The following ANO2 variants were observed in gnomAD, a reference collection of about 807,000 sequenced individuals.
ANO2 encodes the protein anoctamin-2.
ANO2 carries 101 observed loss-of-function variants against 124.2 expected under a neutral mutation model. That is an observed-to-expected ratio of 0.81 (90% CI 0.69 to 0.96). The LOEUF (loss-of-function observed/expected upper bound fraction) is 0.96, where lower values mean the gene tolerates loss of function less well. ANO2 is among the 40% of genes least tolerant of loss of function. The pLI is 0.00. For synonymous variants in ANO2, 486 were observed against 482.5 expected (o/e 1.01, Z -0.09); for missense variants, 1,293 against 1,274.5 (o/e 1.01, Z -0.22).
At chr12:5,705,989 C>G (rs748503602) in intron 14 of ANO2, among the ~76,000 whole-genome samples, 35 of 152,150 alleles carry the variant, frequency 2.3e-4, no homozygotes, top group Admixed American at 3.9e-4. Flanking sequence ...AGGGTTCAAG[C>G]TCTTTCTAGG....
intron 14 of ANO2, among the ~76,000 whole-genome samples, chr12:5,665,727 C>T (rs1403998594): frequency 1.3e-5 from 2 of 149,630 alleles, no homozygotes; most frequent in African/African-American, 2.5e-5. Context: ...CCCCCACCCC[C>T]ACCCAGGGAG....
intron 3 of ANO2, among the ~76,000 whole-genome samples, chr12:5,866,192 A>C (rs1285423389): frequency 6.6e-6 from 1 of 152,222 alleles, no homozygotes; most frequent in African/African-American, 2.4e-5. Flanking sequence ...TTTCTAGGGA[A>C]AGCAGCTTTC....
Position 5,756,186 on chromosome 12 carries a change from GT to G in ANO2, c.1056-5217del, listed in dbSNP as rs1951575348. Among the ~76,000 whole-genome samples the G allele has an allele frequency of 6.6e-5, 10 of 152,032 alleles. No individual in the cohort carries two copies. The South Asian group carries it at 2.1e-3, about 32-fold the overall frequency. On this transcript the variant is annotated intron_variant, in intron 10 of 24. Transcript: ENST00000682330. ...TTTAGTTCAGTCATTGTATTCTTCA[GT>G]TCTAGGATTTCACTTTGGCTCTTTT...
intron 4 of ANO2, among the ~76,000 whole-genome samples, chr12:5,852,329 C>A (rs1158302794): frequency 6.6e-6 from 1 of 152,290 alleles, no homozygotes; most frequent in East Asian, 1.9e-4. Flanking sequence ...AAAGACACAG[C>A]GTATTCCTTG....
chr12:5,909,558 A>G (rs1411434768), intron 3 of ANO2, among the ~76,000 whole-genome samples: 1 of 152,214 alleles, frequency 6.6e-6, no homozygotes, highest in Admixed American at 6.5e-5. Context: ...CCTAGAACCC[A>G]GGTCTTCCAG....
chr12:5,671,781 C>G (rs1287862528), intron 14 of ANO2, among the ~76,000 whole-genome samples: 1 of 152,184 alleles, frequency 6.6e-6, no homozygotes, highest in Admixed American at 6.5e-5. Context: ...TTTATGATGA[C>G]CATATTTTGC....
intron 7 of ANO2, among the ~76,000 whole-genome samples, chr12:5,810,124 T>C (rs1314586238): frequency 4.6e-5 from 7 of 152,196 alleles, no homozygotes; most frequent in Non-Finnish European, 8.8e-5. Flanking sequence ...CTGTTCCCTC[T>C]AGCTGTGTAC....
At chr12:5,775,563 G>C (rs775620274) in intron 10 of ANO2, among the ~76,000 whole-genome samples, 1 of 150,340 alleles carries the variant, frequency 6.7e-6, no homozygotes, top group Non-Finnish European at 1.5e-5. Context: ...CCAGGTTCAC[G>C]TCATTCTCCT....
intron 10 of ANO2, among the ~76,000 whole-genome samples, chr12:5,754,902 T>TA (rs1249212431): frequency 4.5e-4 from 69 of 152,222 alleles, no homozygotes; most frequent in African/African-American, 1.6e-3. Flanking sequence ...ATATCCTGTC[T>TA]TATATTTATT....
At position 5,635,106 on chromosome 12, in the gene ANO2, A is replaced by C. The variant is rs1214628818; in HGVS notation, c.1816+46T>G. On this transcript the variant is annotated intron_variant, in intron 16 of 24. Transcript: ENST00000682330. The surrounding 1 kb of genome is among the most constrained non-coding windows in gnomAD (Gnocchi z 5.2). ...ATCACCAAAAGCCTTGCACGCATTGACTTAAAGAGGGCCTAGGACAGCCAG... is the reference window on the plus strand; with the variant it reads ...ATCACCAAAAGCCTTGCACGCATTGCCTTAAAGAGGGCCTAGGACAGCCAG... The C allele has an allele frequency of 6.7e-7, 1 of 1,482,568 alleles. No homozygotes were observed. Among genetic ancestry groups the C allele is most frequent in the East Asian group, 2.3e-5 (1 of 42,960 alleles). The allele number at this position is 1,482,568 out of a possible 1,614,324, so 91.8% of individuals were successfully genotyped here.
chr12:5,593,208 C>A (rs1023347548), intron 20 of ANO2, among the ~76,000 whole-genome samples: 1 of 152,186 alleles, frequency 6.6e-6, no homozygotes, highest in Admixed American at 6.5e-5. Flanking sequence ...AGAAGAAATT[C>A]ATCTCATCAC....
intron 10 of ANO2, among the ~76,000 whole-genome samples, chr12:5,790,747 G>C (rs1952673332): frequency 6.6e-6 from 1 of 152,120 alleles, no homozygotes; most frequent in Admixed American, 6.5e-5. Context: ...AGGACCTTGT[G>C]TCCCATCAGT....
Position 5,769,929 on chromosome 12 carries a change from C to T in ANO2, c.1056-18959G>A, listed in dbSNP as rs754421319. Among the ~76,000 whole-genome samples the T allele has an allele frequency of 4.9e-4, 74 of 152,286 alleles. No individual in the cohort carries two copies. The highest frequency in any genetic ancestry group is 8.2e-4 in the Non-Finnish European group (56 of 68,030). ...GTTTGAGCCTCCACTAACCCCTCGG[C>T]TGGGCACCTATGGGCAATGTACAAA... On this transcript the variant is annotated intron_variant, in intron 10 of 24. Coordinates refer to ENST00000682330, the MANE Select transcript of ANO2 (RefSeq NM_001364791.2). This position sits in a 1 kb window ranked among gnomAD's most constrained non-coding sequence, Gnocchi z 4.0.
chr12:5,657,824 G>GTA (rs1555119263), intron 14 of ANO2, among the ~76,000 whole-genome samples: 1 of 151,796 alleles, frequency 6.6e-6, no homozygotes, highest in Non-Finnish European at 1.5e-5. Flanking sequence ...TCACAGAATG[G>GTA]CATGTTCAAG....
intron 14 of ANO2, among the ~76,000 whole-genome samples, chr12:5,700,851 C>A (rs535174652): frequency 6.6e-6 from 1 of 152,146 alleles, no homozygotes; most frequent in African/African-American, 2.4e-5. Context: ...TGATCCTTAC[C>A]TGACTTACTT....
At chr12:5,719,185 T>G (rs76447132) in intron 14 of ANO2, among the ~76,000 whole-genome samples, 18,348 of 152,200 alleles carry the variant, frequency 0.12, 1,210 homozygotes, top group African/African-American at 0.17. Flanking sequence ...GAGTCCAACT[T>G]CCAACTGCCA....
chr12:5,854,935 C>CTTTT (rs10650160), intron 3 of ANO2, among the ~76,000 whole-genome samples: 5 of 146,270 alleles, frequency 3.4e-5, no homozygotes, highest in African/African-American at 7.5e-5. Flanking sequence ...TAAACATTCA[C>CTTTT]TTTTTTTTTT....
chr12:5,568,844 C>A (rs184768554), intron 23 of ANO2, among the ~76,000 whole-genome samples: 1 of 152,218 alleles, frequency 6.6e-6, no homozygotes, highest in South Asian at 2.1e-4. Context: ...AGTTACCTAA[C>A]CTTCTGATGC....
chr12:5,612,599 C>G (rs1372467649), intron 19 of ANO2, 57 bp downstream of exon 19: 1 of 1,453,754 alleles, frequency 6.9e-7, no homozygotes, highest in East Asian at 2.3e-5. Flanking sequence ...GAAAGGCTGG[C>G]ACTTCTGGGC....
Sources: gnomAD v4.1 joint callset for allele counts (sites outside exome capture counted in the v4.1 genomes callset) on GRCh38, gnomAD v4.1.1 for gene constraint, Gnocchi (gnomAD v3.1) non-coding constraint, MANE v1.5 for transcripts, NCBI Gene and HGNC (gene_info 2026-07-23, HGNC 2026-07-21) for gene names.